CLIC5: variants seen among roughly 807,000 people sequenced by gnomAD.
The protein encoded by CLIC5 is CLIC family member 5, also known as chloride intracellular channel protein 5.
A neutral mutation model predicts 24.7 loss-of-function variants in CLIC5; 20 were observed. The observed-to-expected ratio is 0.81, with a 90% CI of 0.57 to 1.18. The LOEUF (loss-of-function observed/expected upper bound fraction) is 1.18, where lower values mean the gene tolerates loss of function less well. Ranked by LOEUF, CLIC5 falls within the 50% of genes most tolerant of loss-of-function variation. CLIC5 has a pLI of 0.00. For synonymous variants in CLIC5, 159 were observed against 135.6 expected, an observed-to-expected ratio of 1.17 and a Z score of -1.20; for missense variants, 341 against 326.1, an observed-to-expected ratio of 1.05 and a Z score of -0.35.
chr6:46,101,143 C>T, the CLIC5 span, among the ~76,000 whole-genome samples: 1 of 152,184 alleles, frequency 6.6e-6, no homozygotes, highest in Non-Finnish European at 1.5e-5. Context: ...AATCCAGACA[C>T]GTGAATCTGC....
intron 4 of CLIC5, among the ~76,000 whole-genome samples, chr6:45,923,127 C>T (rs190319751): frequency 6.6e-6 from 1 of 152,300 alleles, no homozygotes; most frequent in African/African-American, 2.4e-5. Flanking sequence ...GAAAGTACGG[C>T]ATAAATGCTG....
intron 4 of CLIC5, among the ~76,000 whole-genome samples, chr6:45,930,352 A>T (rs1213758296): frequency 6.6e-6 from 1 of 152,148 alleles, no homozygotes; most frequent in Admixed American, 6.5e-5. Context: ...AGAAAGAAGC[A>T]TTTGGGGGTA....
chr6:46,071,915 C>T (rs146901012), intron 1 of CLIC5, among the ~76,000 whole-genome samples: 79 of 152,042 alleles, frequency 5.2e-4, no homozygotes, highest in South Asian at 1.2e-3. Context: ...CATAAAAGAA[C>T]GAGATCATGT....
the CLIC5 span, among the ~76,000 whole-genome samples, chr6:46,093,252 T>C: frequency 1.3e-5 from 2 of 152,218 alleles, no homozygotes; most frequent in South Asian, 4.1e-4. Context: ...CCACCTTTTC[T>C]ATCTTGCCCC....
rs1762259553 is a variant in CLIC5 at position 45,881,128 on chromosome 6, C to T, written c.684G>A (p.Trp228Ter). The change falls in exon 7 of 7, where the codon TGG (tryptophan) becomes TGA (stop). Residue 228 changes from tryptophan (W) to a stop codon, truncating the protein, a stop_gained. Transcript: ENST00000644324. LOFTEE classifies it low-confidence loss of function (END_TRUNC). ...TTTTTCTTCTTTCTCTAGCTTCTCC[C>T]CATTTCTTCTGCTTGCTTCTTCCTC... 2.5e-6 allele frequency: 1 copy of T among 398,060 alleles called. No individual in the cohort carries two copies. The highest frequency in any genetic ancestry group is 1.3e-4 in the South Asian group (1 of 7,830). 24.7% of individuals were successfully genotyped at this position (398,060 alleles called of 1,614,324 possible).
chr6:45,937,184 G>A (rs983682691), intron 4 of CLIC5, among the ~76,000 whole-genome samples: 1 of 152,186 alleles, frequency 6.6e-6, no homozygotes, highest in Non-Finnish European at 1.5e-5. Flanking sequence ...TAGACTGAAT[G>A]GGTGGGAGAT....
At chr6:45,957,464 T>C (rs979013694) in intron 1 of CLIC5, among the ~76,000 whole-genome samples, 2 of 152,104 alleles carry the variant, frequency 1.3e-5, no homozygotes, top group East Asian at 3.9e-4. Context: ...AGAGATCCAG[T>C]GCTCTGAGCT....
intron 1 of CLIC5, among the ~76,000 whole-genome samples, chr6:46,057,681 T>G (rs1448955332): frequency 6.6e-6 from 1 of 152,210 alleles, no homozygotes; most frequent in East Asian, 1.9e-4. Context: ...GCGACAGCCC[T>G]GCAGGCAACT....
At position 45,928,794 on chromosome 6, in the gene CLIC5, GT is replaced by G. The variant is rs1374483259; in HGVS notation, c.406+12752del. Reference sequence around the variant, plus strand: ...TGTGTGTGTGTGTGTGTGTGTGTGTGTAGAGAGAGAGAGATTGAGAAACGTA... The same window carrying G: ...TGTGTGTGTGTGTGTGTGTGTGTGTGAGAGAGAGAGAGATTGAGAAACGTA... On this transcript the variant is annotated intron_variant, in intron 4 of 5. Coordinates refer to ENST00000339561, the MANE Select transcript of CLIC5 (RefSeq NM_016929.5). 4.6e-3 allele frequency among the ~76,000 whole-genome samples: 695 copies of G among 151,270 alleles called. 7 individuals carry two copies. The highest frequency in any genetic ancestry group is 0.015 in the African/African-American group (603 of 40,826).
intron 1 of CLIC5, among the ~76,000 whole-genome samples, chr6:46,022,269 C>T (rs762972549): frequency 2.0e-5 from 3 of 152,154 alleles, no homozygotes; most frequent in East Asian, 1.9e-4. Context: ...TACCCACTAC[C>T]GGAGTGCAAT....
At chr6:46,006,708 GCT>G (rs1766598320) in intron 1 of CLIC5, among the ~76,000 whole-genome samples, 1 of 126,782 alleles carries the variant, frequency 7.9e-6, no homozygotes, top group African/African-American at 3.0e-5. Flanking sequence ...AGACAGTCTT[GCT>G]CTGTCACCAG....
At chr6:45,978,366 A>C (rs1292737861) in intron 1 of CLIC5, among the ~76,000 whole-genome samples, 2 of 152,148 alleles carry the variant, frequency 1.3e-5, no homozygotes. Flanking sequence ...GTGATTCCTG[A>C]GCAGGAATCG....
At chr6:46,028,611 G>A (rs1319858069) in intron 1 of CLIC5, among the ~76,000 whole-genome samples, 1 of 152,158 alleles carries the variant, frequency 6.6e-6, no homozygotes, top group Non-Finnish European at 1.5e-5. Flanking sequence ...TCTAAGCCAT[G>A]TATGATCTAT....
chr6:45,991,731 A>C (rs1390470138), intron 1 of CLIC5, among the ~76,000 whole-genome samples: 3 of 152,158 alleles, frequency 2.0e-5, no homozygotes, highest in Admixed American at 2.0e-4. Flanking sequence ...GAAGGAAAAG[A>C]AAGCTTCCTC....
the CLIC5 span, among the ~76,000 whole-genome samples, chr6:46,107,198 C>T: frequency 6.6e-6 from 1 of 152,020 alleles, no homozygotes; most frequent in Admixed American, 6.6e-5. Context: ...ATTGGTCAGA[C>T]AGGTGTATAC....
chr6:45,974,520 TATAGAGAGAGAGAGAGAGAGAGAGAGAG>T (rs1765319530), intron 1 of CLIC5, among the ~76,000 whole-genome samples: 1 of 66,974 alleles, frequency 1.5e-5, no homozygotes, highest in Non-Finnish European at 2.8e-5. Flanking sequence ...TATATATATA[TATAGAGAGAGAGAGAGAGAGAGAGAGAG>T]AGAGAGAGAG....
the CLIC5 span, among the ~76,000 whole-genome samples, chr6:46,105,761 G>C: frequency 6.6e-6 from 1 of 152,194 alleles, no homozygotes; most frequent in Non-Finnish European, 1.5e-5. Flanking sequence ...GGGATGCCAA[G>C]AATTACTTTG....
At chr6:45,892,549 T>C (rs1016185799) in intron 6 of CLIC5, among the ~76,000 whole-genome samples, 1 of 152,194 alleles carries the variant, frequency 6.6e-6, no homozygotes, top group Admixed American at 6.5e-5. Flanking sequence ...GCGGGCTTTG[T>C]TCTTGCCTGT....
chr6:45,930,700 A>G (rs940466871), intron 4 of CLIC5, among the ~76,000 whole-genome samples: 11 of 151,936 alleles, frequency 7.2e-5, no homozygotes, highest in African/African-American at 2.7e-4. Flanking sequence ...AGGCGGGGGG[A>G]GCACTGTGAA....
Sources: allele counts gnomAD v4.1 joint callset (sites outside exome capture counted in the v4.1 genomes callset), GRCh38; gene constraint gnomAD v4.1.1; transcripts MANE v1.5; gene names NCBI Gene and HGNC (gene_info 2026-07-23, HGNC 2026-07-21).